The following MYO16 variants were observed in gnomAD, a reference collection of about 807,000 sequenced individuals.
MYO16 encodes the protein myosin XVI.
Under a neutral mutation model 205.3 loss-of-function variants are expected in MYO16, and 94 were observed. The ratio of observed to expected loss-of-function variants is 0.46; its 90% CI spans 0.39 to 0.54. The LOEUF (loss-of-function observed/expected upper bound fraction) is 0.54, where lower values mean the gene tolerates loss of function less well. Among genes scored for constraint, MYO16 ranks in the 20% least tolerant of loss-of-function variants. The probability of loss-of-function intolerance (pLI) is 0.00; values close to 1 mark genes in which losing one functional copy is unlikely to be tolerated. For synonymous variants in MYO16, 988 were observed against 954.0 expected (o/e 1.04, Z -0.66); for missense variants, 2,315 against 2,387.5 (o/e 0.97, Z 0.63).
At chr13:108,739,411 G>A (rs1481065581) in intron 4 of MYO16, among the ~76,000 whole-genome samples, 1 of 152,124 alleles carries the variant, frequency 6.6e-6, no homozygotes, top group Non-Finnish European at 1.5e-5. Flanking sequence ...AGTTTGGCTG[G>A]ATATGAAATT....
intron 2 of MYO16, among the ~76,000 whole-genome samples, chr13:108,678,620 A>G (rs899463251): frequency 6.6e-6 from 1 of 152,126 alleles, no homozygotes; most frequent in Non-Finnish European, 1.5e-5. Context: ...TGTCATATTC[A>G]TCTACAAGCA....
intron 34 of MYO16, 121 bp from the exon 35 acceptor site, chr13:109,206,488 A>G (rs975355770): frequency 1.4e-6 from 1 of 723,326 alleles, no homozygotes; most frequent in Admixed American, 2.5e-5. Flanking sequence ...GAGATTGAGG[A>G]AAGAGGCTGC....
chr13:109,137,054 A>G (rs1435576312), intron 31 of MYO16, among the ~76,000 whole-genome samples: 2 of 152,144 alleles, frequency 1.3e-5, no homozygotes, highest in Non-Finnish European at 2.9e-5. Context: ...AGTCATAGTC[A>G]ATTACATCTC....
the MYO16 span, among the ~76,000 whole-genome samples, chr13:108,552,120 AGGTGTTTT>A: frequency 1.3e-5 from 2 of 152,134 alleles, no homozygotes; most frequent in Non-Finnish European, 2.9e-5. Context: ...CATGGATAGA[AGGTGTTTT>A]GGGCCAAAGA....
chr13:108,759,607 G>A (rs1300781053), intron 4 of MYO16, among the ~76,000 whole-genome samples: 3 of 152,108 alleles, frequency 2.0e-5, no homozygotes, highest in African/African-American at 7.2e-5. Flanking sequence ...GGATCACGAG[G>A]TCAGGAGATT....
intron 12 of MYO16, among the ~76,000 whole-genome samples, chr13:108,879,617 T>G (rs1879502376): frequency 6.6e-6 from 1 of 152,160 alleles, no homozygotes; most frequent in Admixed American, 6.5e-5. Flanking sequence ...AGGTGTTTGG[T>G]TTTCTGTCCT....
chr13:108,609,760 A>C (rs1252003317), intron 1 of MYO16, among the ~76,000 whole-genome samples: 1 of 152,094 alleles, frequency 6.6e-6, no homozygotes, highest in African/African-American at 2.4e-5. Context: ...TTCTGTTTTT[A>C]ATATAGGTCA....
At chr13:108,572,831 T>C in the MYO16 span, among the ~76,000 whole-genome samples, 3 of 152,072 alleles carry the variant, frequency 2.0e-5, no homozygotes. Flanking sequence ...AGTGGTTTTG[T>C]TAACAAGTTT....
rs61441934 is a variant in MYO16 at position 109,115,242 on chromosome 13, C to CAA, written c.3439-5101_3439-5100dup. Among the ~76,000 whole-genome samples the CAA allele has an allele frequency of 4.0e-3, 230 of 58,030 alleles. 19 individuals are homozygous for CAA. The highest frequency in any genetic ancestry group is 0.017 in the African/African-American group (223 of 12,762). 38.1% of individuals were successfully genotyped at this position (58,030 alleles called of 152,430 possible). A position where few individuals can be genotyped will look rare whatever the true frequency, so the allele number is the denominator to read the frequency against. On this transcript the variant is annotated intron_variant, in intron 28 of 34. Transcript: ENST00000457511. The stretch of plus-strand genomic sequence containing the variant: ...CTGTACCTCCACAGCCTACACCTCT[C>CAA]AAAAAAAAAAAAAAAAAAAAAAAAA...
At position 108,666,191 on chromosome 13, in the gene MYO16, T is replaced by G. The variant is rs757442764; in HGVS notation, c.292+42T>G. ...AAGGACCCGTTTTCTGATGTGATTT[T>G]TCATGATTGATTTTTGTTGGTTTGT... On this transcript the variant is annotated intron_variant, in intron 2 of 34. Transcript: ENST00000457511. 1.6e-5 allele frequency: 24 copies of G among 1,539,314 alleles called. No homozygotes were observed. In the South Asian group the frequency reaches 2.9e-4, roughly 19 times the overall value.
intron 3 of MYO16, among the ~76,000 whole-genome samples, chr13:108,715,882 C>T (rs974978250): frequency 8.6e-5 from 13 of 152,018 alleles, no homozygotes; most frequent in African/African-American, 3.1e-4. Flanking sequence ...GTAGATATTG[C>T]CACAATGGGG....
At chr13:108,759,175 A>AC (rs930025339) in intron 4 of MYO16, among the ~76,000 whole-genome samples, 50 of 151,748 alleles carry the variant, frequency 3.3e-4, no homozygotes, top group African/African-American at 1.1e-3. Context: ...AAAAAAAAAA[A>AC]GTAACATCTA....
chr13:109,048,288 A>G, intron 24 of MYO16: 1 of 698,938 alleles, frequency 1.4e-6, no homozygotes, highest in Non-Finnish European at 2.6e-6. Flanking sequence ...AAATTTGTAC[A>G]AAAAAAAGTT....
the MYO16 span, among the ~76,000 whole-genome samples, chr13:108,518,066 C>A: frequency 1.3e-5 from 2 of 152,036 alleles, no homozygotes; most frequent in Non-Finnish European, 2.9e-5. Flanking sequence ...GGGGGGACAC[C>A]AACATTCAGA....
chr13:108,975,435 G>C (rs1383900951), intron 20 of MYO16, among the ~76,000 whole-genome samples: 1 of 152,122 alleles, frequency 6.6e-6, no homozygotes, highest in Non-Finnish European at 1.5e-5. Flanking sequence ...GCAATTAATT[G>C]TTCTTATAAA....
upstream of MYO16, among the ~76,000 whole-genome samples, chr13:108,595,503 G>T (rs544750488): frequency 2.3e-4 from 35 of 152,196 alleles, no homozygotes; most frequent in Non-Finnish European, 4.6e-4. Context: ...AACTAGCGCA[G>T]TGAAGGTAGT....
intron 2 of MYO16, among the ~76,000 whole-genome samples, chr13:108,709,224 G>A (rs1005030133): frequency 6.6e-6 from 1 of 152,006 alleles, no homozygotes; most frequent in Non-Finnish European, 1.5e-5. Context: ...TTGACTGGCC[G>A]CTCCAATCAT....
intron 1 of MYO16, among the ~76,000 whole-genome samples, chr13:108,654,227 C>T (rs764205096): frequency 5.3e-5 from 8 of 152,236 alleles, no homozygotes; most frequent in East Asian, 3.9e-4. Context: ...CCACCCAGTT[C>T]TCATCTTGAA....
At chr13:108,779,485 C>T (rs999048621) in intron 4 of MYO16, 3 of 152,184 alleles carry the variant, frequency 2.0e-5, no homozygotes, top group Non-Finnish European at 4.4e-5. Flanking sequence ...GACCCCTCCC[C>T]CAAGGCTGAG....
Sources: gnomAD v4.1 joint callset for allele counts (sites outside exome capture counted in the v4.1 genomes callset) on GRCh38, gnomAD v4.1.1 for gene constraint, MANE v1.5 for transcripts, NCBI Gene and HGNC (gene_info 2026-07-23, HGNC 2026-07-21) for gene names.